BMPR2: variants seen among roughly 807,000 people sequenced by gnomAD.
The protein encoded by BMPR2 is bone morphogenetic protein receptor type-2.
A neutral mutation model predicts 100.8 loss-of-function variants in BMPR2; 29 were observed. The observed-to-expected ratio is 0.29, with a 90% CI of 0.21 to 0.39. BMPR2 has a LOEUF of 0.39. Among genes scored for constraint, BMPR2 ranks in the 10% least tolerant of loss-of-function variants. The pLI, the probability that BMPR2 is intolerant of heterozygous loss-of-function variation, is 1.00. For synonymous variants in BMPR2, 382 were observed against 442.3 expected (o/e 0.86, Z 1.71); for missense variants, 1,011 against 1,274.5 (o/e 0.79, Z 3.15).
chr2:202,485,145 A>G (rs1404825675), intron 3 of BMPR2, among the ~76,000 whole-genome samples: 2 of 151,996 alleles, frequency 1.3e-5, no homozygotes, highest in African/African-American at 4.8e-5. Context: ...AATAGTTTCT[A>G]ATTATTTTTG....
chr2:202,434,933 A>ATATTTATT (rs1343136624), intron 1 of BMPR2, among the ~76,000 whole-genome samples: 1 of 82,038 alleles, frequency 1.2e-5, no homozygotes, highest in East Asian at 3.6e-4. Flanking sequence ...ATATATATAT[A>ATATTTATT]TATTTATTTA....
At chr2:202,453,723 ATAAT>A (rs1692034222) in intron 1 of BMPR2, among the ~76,000 whole-genome samples, 1 of 152,222 alleles carries the variant, frequency 6.6e-6, no homozygotes, top group Non-Finnish European at 1.5e-5. Context: ...GTACAAAAGT[ATAAT>A]TAGATGGAAT....
rs1688678838 is a variant in BMPR2 at position 202,561,526 on chromosome 2, G to A, written c.*1580G>A. The A allele has an allele frequency of 1.3e-5, 2 of 151,692 alleles. No homozygotes were observed. The highest frequency in any genetic ancestry group is 4.2e-4 in the South Asian group (2 of 4,798). 9.4% of individuals were successfully genotyped at this position (151,692 alleles called of 1,614,324 possible). ...AACAGAAATTATTTTCTATTAATTT[G>A]CAAACTGATGATTTCACTTTTTTTT... On this transcript the variant is annotated 3_prime_UTR_variant, in exon 13 of 13. Transcript: ENST00000374580.
chr2:202,468,197 C>G (rs1346733683), intron 3 of BMPR2, among the ~76,000 whole-genome samples: 1 of 151,994 alleles, frequency 6.6e-6, no homozygotes, highest in Non-Finnish European at 1.5e-5. Context: ...ATAGTACTGG[C>G]CAGGCACAGT....
intron 1 of BMPR2, among the ~76,000 whole-genome samples, chr2:202,419,559 CT>C (rs957592070): frequency 9.2e-5 from 14 of 151,890 alleles, no homozygotes; most frequent in African/African-American, 2.9e-4. Context: ...GTTTCAGCAT[CT>C]TGGCCAGGCT....
chr2:202,506,637 A>G (rs1346239458), intron 3 of BMPR2, among the ~76,000 whole-genome samples: 1 of 152,100 alleles, frequency 6.6e-6, no homozygotes, highest in Non-Finnish European at 1.5e-5. Flanking sequence ...GCGGTGGCTC[A>G]CACCTGTAAT....
At chr2:202,460,928 A>G (rs1449752088) in intron 1 of BMPR2, among the ~76,000 whole-genome samples, 1 of 151,328 alleles carries the variant, frequency 6.6e-6, no homozygotes, top group East Asian at 1.9e-4. Context: ...ATAGTTCACC[A>G]TAGCCCTGAA....
intron 1 of BMPR2, among the ~76,000 whole-genome samples, chr2:202,410,667 C>G (rs1033022869): frequency 6.6e-6 from 1 of 152,278 alleles, no homozygotes; most frequent in Non-Finnish European, 1.5e-5. Context: ...GCAAGTTCCA[C>G]CTCCCGGGTT....
At chr2:202,439,628 G>A (rs1691690690) in intron 1 of BMPR2, among the ~76,000 whole-genome samples, 1 of 149,680 alleles carries the variant, frequency 6.7e-6, no homozygotes, top group Non-Finnish European at 1.5e-5. Flanking sequence ...GGAATCTCCA[G>A]TACAAGTTTG....
intron 3 of BMPR2, among the ~76,000 whole-genome samples, chr2:202,490,042 A>C (rs1692869324): frequency 6.6e-6 from 1 of 152,204 alleles, no homozygotes; most frequent in South Asian, 2.1e-4. Flanking sequence ...CCCACGATCA[A>C]GGGGCAACAT....
chr2:202,445,598 A>G (rs1250037450), intron 1 of BMPR2, among the ~76,000 whole-genome samples: 1 of 148,820 alleles, frequency 6.7e-6, no homozygotes, highest in African/African-American at 2.6e-5. Context: ...TCCCACCAAC[A>G]GTGTATAAGG....
In BMPR2 at chr2:202,560,167, C is replaced by T. The variant is rs16839190; in HGVS notation, c.*221C>T. 1,220 of 567,036 alleles carry T rather than the reference C, an allele frequency of 2.2e-3. 18 individuals are homozygous for T. The highest frequency in any genetic ancestry group is 0.021 in the African/African-American group (1,112 of 53,184). The allele number at this position is 567,036 out of a possible 1,614,324, so 35.1% of individuals were successfully genotyped here. ...TTTAAGTTTTGCACTTTTGTTTAGT[C>T]TCGCTAAAGTTATATTTGTCTGTTA... On this transcript the variant is annotated 3_prime_UTR_variant, in exon 13 of 13. Coordinates refer to ENST00000374580, the MANE Select transcript of BMPR2 (RefSeq NM_001204.7).
At chr2:202,537,848 G>A (rs1367149504) in intron 9 of BMPR2, among the ~76,000 whole-genome samples, 2 of 152,256 alleles carry the variant, frequency 1.3e-5, no homozygotes, top group South Asian at 4.1e-4. Flanking sequence ...CAGGCCAGGT[G>A]TGGCTCACGC....
chr2:202,493,449 A>G (rs1231392063), intron 3 of BMPR2, among the ~76,000 whole-genome samples: 1 of 152,220 alleles, frequency 6.6e-6, no homozygotes, highest in East Asian at 1.9e-4. Flanking sequence ...CTTCGATGAA[A>G]TGTTTTGATG....
intron 7 of BMPR2, among the ~76,000 whole-genome samples, chr2:202,530,246 A>G (rs1047312810): frequency 1.3e-5 from 2 of 152,186 alleles, no homozygotes; most frequent in Non-Finnish European, 1.5e-5. Context: ...CACTTCCTCC[A>G]CTTGTTTTTC....
At position 202,567,297 on chromosome 2, in the gene BMPR2, AAAAG is replaced by A. The variant is rs949162960; in HGVS notation, c.*7356_*7359del. The stretch of plus-strand genomic sequence containing the variant: ...TCACTTCTGAGGATGCTTTTCCGGA[AAAAG>A]AAAGGCTAGAAAATACTCGCACTTC... On this transcript the variant is annotated 3_prime_UTR_variant, in exon 13 of 13. Coordinates refer to ENST00000374580, the MANE Select transcript of BMPR2 (RefSeq NM_001204.7). The A allele has an allele frequency of 1.3e-5, 2 of 152,654 alleles. No homozygotes were observed. The highest frequency in any genetic ancestry group is 4.8e-5 in the African/African-American group (2 of 41,452). 9.5% of individuals were successfully genotyped at this position (152,654 alleles called of 1,614,324 possible). A position where few individuals can be genotyped will look rare whatever the true frequency, so the allele number is the denominator to read the frequency against.
chr2:202,542,245 CCT>C (rs1323689374), intron 9 of BMPR2, 64 bp from the exon 10 acceptor site: 1 of 1,576,762 alleles, frequency 6.3e-7, no homozygotes, highest in Non-Finnish European at 8.7e-7. Flanking sequence ...CAGAAATACC[CCT>C]GTTATTCTAT....
At position 202,454,889 on chromosome 2, in the gene BMPR2, A is replaced by G. The variant is rs116005482; in HGVS notation, c.77-9920A>G. On this transcript the variant is annotated intron_variant, in intron 1 of 12. Transcript: ENST00000374580. ...TTTTTCACAGCTCTGGAAGCTGGGA[A>G]GTCCAAGATCAAGGTGCTAGATGAC... Among the ~76,000 whole-genome samples the G allele has an allele frequency of 2.8e-3, 432 of 152,318 alleles. 2 individuals carry two copies. Among genetic ancestry groups the G allele is most frequent in the South Asian group, 0.013 (65 of 4,828 alleles).
intron 1 of BMPR2, among the ~76,000 whole-genome samples, chr2:202,416,626 G>T (rs890758729): frequency 2.0e-5 from 3 of 150,838 alleles, no homozygotes; most frequent in African/African-American, 7.3e-5. Flanking sequence ...GGGTTTCACC[G>T]TGTTGGCCGA....
Sources: allele counts gnomAD v4.1 joint callset (sites outside exome capture counted in the v4.1 genomes callset), GRCh38; gene constraint gnomAD v4.1.1; transcripts MANE v1.5; gene names NCBI Gene and HGNC (gene_info 2026-07-23, HGNC 2026-07-21).